The following RNF111 variants were observed in gnomAD, a reference collection of about 807,000 sequenced individuals.
The protein encoded by RNF111 is E3 ubiquitin-protein ligase Arkadia.
Under a neutral mutation model 95.1 loss-of-function variants are expected in RNF111, and 17 were observed. The ratio of observed to expected loss-of-function variants is 0.18; its 90% CI spans 0.12 to 0.27. The LOEUF (loss-of-function observed/expected upper bound fraction) is 0.27, where lower values mean the gene tolerates loss of function less well. RNF111 is among the 10% of genes least tolerant of loss of function. RNF111 has a pLI of 1.00. For synonymous variants in RNF111, 440 were observed against 414.8 expected (o/e 1.06, Z -0.74); for missense variants, 1,189 against 1,210.4 (o/e 0.98, Z 0.26).
chr15:59,036,213 A>T (rs2041169935), intron 2 of RNF111, among the ~76,000 whole-genome samples: 1 of 151,966 alleles, frequency 6.6e-6, no homozygotes. Flanking sequence ...CTGCACCACC[A>T]CGCCCAGCTA....
In RNF111 at chr15:59,096,923, A is replaced by T. The variant is rs1456991116; in HGVS notation, c.*2023A>T. ...AAGTAAAGCACAGGTGGATTTCTCT[A>T]TTTTTGAATACTACATCAGATTTAG... On this transcript the variant is annotated 3_prime_UTR_variant, in exon 14 of 14. Transcript: ENST00000348370. 1.3e-5 allele frequency: 2 copies of T among 152,174 alleles called. No homozygotes were observed. Among genetic ancestry groups the T allele is most frequent in the African/African-American group, 4.8e-5 (2 of 41,446 alleles). The allele number at this position is 152,174 out of a possible 1,614,324, so 9.4% of individuals were successfully genotyped here.
At chr15:59,035,777 C>G (rs2041147277) in intron 2 of RNF111, among the ~76,000 whole-genome samples, 1 of 152,182 alleles carries the variant, frequency 6.6e-6, no homozygotes, top group African/African-American at 2.4e-5. Flanking sequence ...CAAGAAGTTC[C>G]TTGTCTACAT....
chr15:59,085,345 G>A (rs1246356781), intron 9 of RNF111, among the ~76,000 whole-genome samples: 2 of 152,110 alleles, frequency 1.3e-5, no homozygotes, highest in African/African-American at 4.8e-5. Context: ...ATTCTATGTT[G>A]TATGCTCCTC....
At chr15:58,989,670 T>C (rs2038724597) in intron 1 of RNF111, among the ~76,000 whole-genome samples, 1 of 152,238 alleles carries the variant, frequency 6.6e-6, no homozygotes, top group Admixed American at 6.5e-5. Context: ...CAGCAGAGGT[T>C]ACATCTTAAC....
intron 7 of RNF111, 136 bp downstream of exon 7, chr15:59,076,351 C>A (rs1209896787): frequency 2.0e-6 from 2 of 996,886 alleles, no homozygotes; most frequent in East Asian, 2.5e-5. Flanking sequence ...TATATTTTTT[C>A]CCATGTTAGT....
At chr15:59,094,346 G>A (rs971146286) in intron 13 of RNF111, among the ~76,000 whole-genome samples, 6 of 152,122 alleles carry the variant, frequency 3.9e-5, no homozygotes, top group African/African-American at 1.4e-4. Context: ...GAATTGTAAT[G>A]TTTTTGAGAG....
chr15:59,035,097 G>T (rs1438901787), intron 2 of RNF111, among the ~76,000 whole-genome samples: 1 of 152,154 alleles, frequency 6.6e-6, no homozygotes, highest in Non-Finnish European at 1.5e-5. Flanking sequence ...TTGTGCAGGG[G>T]AACTCCCATT....
intron 1 of RNF111, among the ~76,000 whole-genome samples, chr15:58,998,082 T>G: frequency 6.6e-6 from 1 of 151,714 alleles, no homozygotes; most frequent in Non-Finnish European, 1.5e-5. Flanking sequence ...TTTTTGTATT[T>G]TTAGTAGAGA....
chr15:59,004,353 A>T (rs761852527), intron 1 of RNF111, among the ~76,000 whole-genome samples: 1 of 152,210 alleles, frequency 6.6e-6, no homozygotes, highest in Non-Finnish European at 1.5e-5. Context: ...AAAAGTATAT[A>T]GGTAAATGTG....
At chr15:59,003,258 A>G (rs1228909624) in intron 1 of RNF111, among the ~76,000 whole-genome samples, 2 of 150,930 alleles carry the variant, frequency 1.3e-5, no homozygotes, top group African/African-American at 4.9e-5. Context: ...TGGGACAGGC[A>G]TGTACCACCA....
intron 3 of RNF111, among the ~76,000 whole-genome samples, chr15:59,053,843 G>A (rs1017360816): frequency 6.6e-6 from 1 of 151,716 alleles, no homozygotes. Flanking sequence ...AAGACCCACA[G>A]TGTACATGAC....
chr15:59,076,818 A>G (rs1452478558), intron 7 of RNF111, among the ~76,000 whole-genome samples: 1 of 152,278 alleles, frequency 6.6e-6, no homozygotes, highest in Non-Finnish European at 1.5e-5. Context: ...ATCATAAGCT[A>G]ATAATGAAAT....
intron 1 of RNF111, among the ~76,000 whole-genome samples, chr15:59,005,662 A>C (rs2039508782): frequency 6.6e-6 from 1 of 152,120 alleles, no homozygotes; most frequent in Non-Finnish European, 1.5e-5. Flanking sequence ...TAGAGGATTG[A>C]AGTCGTACCA....
chr15:59,041,363 G>A (rs1383538971), intron 2 of RNF111, among the ~76,000 whole-genome samples: 2 of 152,124 alleles, frequency 1.3e-5, no homozygotes, highest in African/African-American at 2.4e-5. Context: ...AGACCAGCCC[G>A]ACCAACATGG....
At chr15:59,072,073 T>A (rs1443992110) in intron 6 of RNF111, among the ~76,000 whole-genome samples, 1 of 152,222 alleles carries the variant, frequency 6.6e-6, no homozygotes, top group Non-Finnish European at 1.5e-5. Context: ...TAAAAATACT[T>A]TATTGCTAAT....
intron 1 of RNF111, among the ~76,000 whole-genome samples, chr15:59,029,231 C>T (rs1326522273): frequency 1.3e-5 from 2 of 152,086 alleles, no homozygotes; most frequent in African/African-American, 4.8e-5. Flanking sequence ...TTACAGCCAT[C>T]CTGTTTGGCC....
At chr15:59,036,134 G>C (rs1384301092) in intron 2 of RNF111, among the ~76,000 whole-genome samples, 1 of 152,004 alleles carries the variant, frequency 6.6e-6, no homozygotes, top group African/African-American at 2.4e-5. Context: ...GGAGTGCAGT[G>C]GTGTGATCTT....
At chr15:59,013,833 G>C (rs1476114267) in intron 1 of RNF111, among the ~76,000 whole-genome samples, 3 of 151,888 alleles carry the variant, frequency 2.0e-5, no homozygotes, top group Admixed American at 6.6e-5. Flanking sequence ...CTGTTGCCCA[G>C]GCTGGAGTAT....
At chr15:59,074,414 G>A (rs1019117410) in intron 6 of RNF111, among the ~76,000 whole-genome samples, 2 of 152,198 alleles carry the variant, frequency 1.3e-5, no homozygotes, top group African/African-American at 4.8e-5. Flanking sequence ...ATCTTAGCTG[G>A]ATTTTCTAGA....
Sources: gnomAD v4.1 joint callset for allele counts (sites outside exome capture counted in the v4.1 genomes callset) on GRCh38, gnomAD v4.1.1 for gene constraint, MANE v1.5 for transcripts, NCBI Gene and HGNC (gene_info 2026-07-23, HGNC 2026-07-21) for gene names.